TBC1D1: variants seen among roughly 807,000 people sequenced by gnomAD.
The protein encoded by TBC1D1 is TBC1 (tre-2/USP6, BUB2, cdc16) domain family, member 1.
A neutral mutation model predicts 125.6 loss-of-function variants in TBC1D1; 89 were observed. The observed-to-expected ratio is 0.71, with a 90% confidence interval of 0.60 to 0.85. The LOEUF is 0.85. Among genes scored for constraint, TBC1D1 ranks in the 40% least tolerant of loss-of-function variants. The pLI is 0.00. For synonymous variants in TBC1D1, 565 were observed against 564.1 expected (o/e 1.00, Z -0.02); for missense variants, 1,377 against 1,469.2 (o/e 0.94, Z 1.03).
At chr4:38,041,999 C>A (rs578075935) in intron 8 of TBC1D1, among the ~76,000 whole-genome samples, 23 of 152,032 alleles carry the variant, frequency 1.5e-4, no homozygotes, top group Middle Eastern at 6.8e-3. Flanking sequence ...CATGGCGAAA[C>A]CCCATCTCTA....
rs140875530 is a variant in TBC1D1 at position 38,029,615 on chromosome 4, C to A, written c.1302+1736C>A. On this transcript the variant is annotated intron_variant, in intron 7 of 19. Transcript: ENST00000261439. Reference sequence around the variant, plus strand: ...AACTCTTGACCTTGTGATTTGCCTGCTTCAGCCTCCCAAAGTGCTGGGATT... The same window carrying A: ...AACTCTTGACCTTGTGATTTGCCTGATTCAGCCTCCCAAAGTGCTGGGATT... Among the ~76,000 whole-genome samples, 755 of 152,330 alleles carry A rather than the reference C, an allele frequency of 5.0e-3. 4 individuals are homozygous for A. Among genetic ancestry groups the A allele is most frequent in the African/African-American group, 0.016 (684 of 41,582 alleles).
At chr4:37,957,333 T>C (rs1729132622) in intron 2 of TBC1D1, among the ~76,000 whole-genome samples, 1 of 152,170 alleles carries the variant, frequency 6.6e-6, no homozygotes, top group African/African-American at 2.4e-5. Context: ...GACAGGAATA[T>C]GTATTGCTGG....
chr4:38,089,954 T>TC lies in TBC1D1; in HGVS notation c.2078dup (p.Arg694ThrfsTer9), dbSNP rs1231974872. ...CAGATTATTCAGAGCTGGGAGAGCT[T>TC]CCCCCACGATCTCCTTTAGAACCAG... is the stretch of plus-strand genomic sequence containing the variant. On this transcript the variant is annotated frameshift_variant, in exon 13 of 20. Coordinates refer to ENST00000261439, the MANE Select transcript of TBC1D1 (RefSeq NM_015173.4). LOFTEE classifies it high-confidence loss of function. 6.3e-7 allele frequency: 1 copy of TC among 1,593,144 alleles called. No homozygotes were observed. The highest frequency in any genetic ancestry group is 8.5e-7 in the Non-Finnish European group (1 of 1,172,178).
Position 37,902,528 on chromosome 4 carries a change from A to G in TBC1D1, c.417+16A>G, listed in dbSNP as rs938739694. 15 of 1,572,760 alleles carry G rather than the reference A, an allele frequency of 9.5e-6. No individual in the cohort carries two copies. The highest frequency in any genetic ancestry group is 1.3e-5 in the Non-Finnish European group (15 of 1,158,428). On this transcript the variant is annotated intron_variant, in intron 2 of 19. Transcript: ENST00000261439. ...TCAAACAAAAGTAAGTGAGATGGAG[A>G]TCCAAAAGACTAAGGTGTGGCTGGC... is the stretch of plus-strand genomic sequence containing the variant.
chr4:38,044,901 A>C (rs944700779), intron 9 of TBC1D1, among the ~76,000 whole-genome samples: 1 of 152,204 alleles, frequency 6.6e-6, no homozygotes, highest in East Asian at 1.9e-4. Context: ...AACTATGCCC[A>C]TGGGCCAAAT....
chr4:37,980,249 T>A (rs1187243715), intron 2 of TBC1D1, among the ~76,000 whole-genome samples: 2 of 152,190 alleles, frequency 1.3e-5, no homozygotes, highest in Admixed American at 1.3e-4. Context: ...TTAAAAAAAA[T>A]TGGACATGAT....
intron 7 of TBC1D1, among the ~76,000 whole-genome samples, chr4:38,028,701 C>T (rs967206446): frequency 6.6e-5 from 10 of 152,150 alleles, no homozygotes; most frequent in Admixed American, 2.0e-4. Flanking sequence ...AAATGGAAAG[C>T]GCCTCAGGCT....
At chr4:37,950,263 C>G (rs1221603329) in intron 2 of TBC1D1, among the ~76,000 whole-genome samples, 1 of 152,120 alleles carries the variant, frequency 6.6e-6, no homozygotes, top group Non-Finnish European at 1.5e-5. Flanking sequence ...TTTTCCTCAT[C>G]TGTAAAATGG....
intron 2 of TBC1D1, among the ~76,000 whole-genome samples, chr4:37,980,475 T>G (rs1176014851): frequency 6.6e-6 from 1 of 152,236 alleles, no homozygotes; most frequent in Non-Finnish European, 1.5e-5. Context: ...TATGCCTCCA[T>G]GTATCTGTTA....
chr4:37,955,267 C>T (rs764365251), intron 2 of TBC1D1, among the ~76,000 whole-genome samples: 3 of 152,084 alleles, frequency 2.0e-5, no homozygotes, highest in East Asian at 1.9e-4. Context: ...CCAAAGGTAG[C>T]GCAGACTTAA....
chr4:37,919,112 A>T (rs551216694), intron 2 of TBC1D1, among the ~76,000 whole-genome samples: 27 of 150,710 alleles, frequency 1.8e-4, no homozygotes, highest in Middle Eastern at 3.4e-3. Context: ...CTGGAAATGT[A>T]CAGTTTGAAA....
At chr4:37,986,899 G>T (rs1053897902) in intron 2 of TBC1D1, among the ~76,000 whole-genome samples, 1 of 152,156 alleles carries the variant, frequency 6.6e-6, no homozygotes, top group African/African-American at 2.4e-5. Flanking sequence ...CCAACCAGTT[G>T]TGTTAACTGT....
At chr4:37,892,217 C>A (rs1001335427) in intron 1 of TBC1D1, among the ~76,000 whole-genome samples, 1 of 152,126 alleles carries the variant, frequency 6.6e-6, no homozygotes. Context: ...ATAGGTCACA[C>A]CCAAGAAACT....
intron 1 of TBC1D1, among the ~76,000 whole-genome samples, chr4:37,893,545 A>G (rs922617055): frequency 6.6e-6 from 1 of 152,252 alleles, no homozygotes; most frequent in Non-Finnish European, 1.5e-5. Context: ...ATGGCCAGGC[A>G]TGGTGGCTCA....
chr4:38,077,854 A>G (rs10009706), intron 12 of TBC1D1, among the ~76,000 whole-genome samples: 50,132 of 151,796 alleles, frequency 0.33, 9,089 homozygotes, highest in East Asian at 0.58. Flanking sequence ...GTTATGCGTC[A>G]CCCTGGGTTG....
At chr4:38,073,705 C>A (rs569780210) in intron 12 of TBC1D1, among the ~76,000 whole-genome samples, 1 of 152,250 alleles carries the variant, frequency 6.6e-6, no homozygotes, top group South Asian at 2.1e-4. Flanking sequence ...GTAATGCCGG[C>A]ATAATGATAG....
chr4:37,893,954 G>A (rs1281468817), intron 1 of TBC1D1, among the ~76,000 whole-genome samples: 6 of 150,280 alleles, frequency 4.0e-5, no homozygotes, highest in African/African-American at 9.8e-5. Context: ...GATTCTTCAC[G>A]AAAGACATGA....
chr4:37,937,305 G>A (rs1484973744), intron 2 of TBC1D1, among the ~76,000 whole-genome samples: 1 of 152,194 alleles, frequency 6.6e-6, no homozygotes, highest in Non-Finnish European at 1.5e-5. Flanking sequence ...TCAGCAGAGG[G>A]GGCCACGCTG....
At chr4:38,105,155 GC>G (rs1411264888) in intron 15 of TBC1D1, among the ~76,000 whole-genome samples, 17 of 152,040 alleles carry the variant, frequency 1.1e-4, no homozygotes, top group African/African-American at 3.4e-4. Context: ...GTCTTGCTAA[GC>G]CCCCTGTAGC....
Sources: allele counts gnomAD v4.1 joint callset (sites outside exome capture counted in the v4.1 genomes callset), GRCh38; gene constraint gnomAD v4.1.1; transcripts MANE v1.5; gene names NCBI Gene and HGNC (gene_info 2026-07-23, HGNC 2026-07-21).